ZC3H12B: variants seen among roughly 807,000 people sequenced by gnomAD.
ZC3H12B encodes zinc finger CCCH-type containing 12B, also known as probable ribonuclease ZC3H12B.
ZC3H12B carries 7 observed loss-of-function variants against 43.9 expected under a neutral mutation model. That is an observed-to-expected ratio of 0.16 (90% CI 0.09 to 0.30). ZC3H12B has a LOEUF of 0.30. Ranked by LOEUF, ZC3H12B falls within the 10% of genes least tolerant of loss-of-function variation. The probability of loss-of-function intolerance (pLI) is 1.00; values close to 1 mark genes in which losing one functional copy is unlikely to be tolerated. For missense variants in ZC3H12B, 475 were observed against 670.2 expected (o/e 0.71, Z 3.22); for synonymous variants, 222 against 241.7 (o/e 0.92, Z 0.76).
chrX:65,342,480 ATAAT>A, the ZC3H12B span, among the ~76,000 whole-genome samples: 2 of 112,317 alleles, frequency 1.8e-5, no homozygotes, highest in Non-Finnish European at 3.8e-5. Context: ...ACAGCACAAT[ATAAT>A]TAGAAGTCAA....
chrX:65,457,442 G>T (rs2067643288), intron 3 of ZC3H12B, among the ~76,000 whole-genome samples: 2 of 76,623 alleles, frequency 2.6e-5, no homozygotes, highest in Admixed American at 1.3e-4. Context: ...GGAGGGTGGT[G>T]GGGGGGTCAG....
the ZC3H12B span, among the ~76,000 whole-genome samples, chrX:65,178,129 C>T: frequency 8.9e-6 from 1 of 112,016 alleles, no homozygotes. Context: ...ACCATCTGAT[C>T]TTTGACAAAC....
chrX:65,055,496 T>A, the ZC3H12B span, among the ~76,000 whole-genome samples: 2 of 112,089 alleles, frequency 1.8e-5, no homozygotes, highest in Admixed American at 1.9e-4. Context: ...GCCAGTATTT[T>A]ATTGAAGATT....
At chrX:65,470,582 C>T (rs1421589594) in intron 3 of ZC3H12B, among the ~76,000 whole-genome samples, 2 of 110,886 alleles carry the variant, frequency 1.8e-5, no homozygotes, top group Non-Finnish European at 3.8e-5. Flanking sequence ...CCGCCCTCAC[C>T]CTTGGGGCTT....
chrX:65,453,312 C>T (rs1418021275), intron 3 of ZC3H12B, among the ~76,000 whole-genome samples: 1 of 94,748 alleles, frequency 1.1e-5, no homozygotes, highest in Non-Finnish European at 2.1e-5. Context: ...TTTATAGGCG[C>T]ACAATTCTCA....
the ZC3H12B span, among the ~76,000 whole-genome samples, chrX:65,188,846 G>A: frequency 9.5e-6 from 1 of 105,213 alleles, no homozygotes; most frequent in East Asian, 3.0e-4. Flanking sequence ...TGCACATTGT[G>A]CAGGTTAGAT....
chrX:65,159,998 T>G, the ZC3H12B span, among the ~76,000 whole-genome samples: 6 of 112,218 alleles, frequency 5.3e-5, no homozygotes, highest in African/African-American at 1.3e-4. Context: ...GTCAAAGGCC[T>G]TTTCTGCATC....
At chrX:65,310,709 A>T in the ZC3H12B span, among the ~76,000 whole-genome samples, 749 of 111,880 alleles carry the variant, frequency 6.7e-3, 9 homozygotes, top group African/African-American at 0.023. Flanking sequence ...AGCCAAAAGA[A>T]CAAAGCTGGA....
At chrX:65,328,360 T>A in the ZC3H12B span, 2 of 236,741 alleles carry the variant, frequency 8.4e-6, no homozygotes, top group South Asian at 1.2e-4. Context: ...TTCTTGTAAT[T>A]TGCATGATCC....
chrX:65,234,787 C>A, the ZC3H12B span, among the ~76,000 whole-genome samples: 1 of 111,716 alleles, frequency 9.0e-6, no homozygotes, highest in East Asian at 2.8e-4. Context: ...ACAGATCAAC[C>A]CATCATCTTG....
chrX:65,471,107 G>A (rs747768083), intron 3 of ZC3H12B, among the ~76,000 whole-genome samples: 5 of 111,453 alleles, frequency 4.5e-5, no homozygotes, highest in Non-Finnish European at 9.4e-5. Flanking sequence ...TCAGTGAGCT[G>A]TCTAGTGCTG....
the ZC3H12B span, among the ~76,000 whole-genome samples, chrX:65,282,547 T>G: frequency 2.3e-3 from 253 of 111,213 alleles, 2 homozygotes; most frequent in African/African-American, 7.7e-3. Flanking sequence ...AGCTGGTTTT[T>G]TGAAAACATC....
chrX:65,084,068 G>A, the ZC3H12B span, among the ~76,000 whole-genome samples: 2 of 111,850 alleles, frequency 1.8e-5, no homozygotes, highest in Non-Finnish European at 3.8e-5. Flanking sequence ...GCAGAAGAAT[G>A]AAACTAGACC....
At chrX:65,157,300 T>C in the ZC3H12B span, among the ~76,000 whole-genome samples, 1 of 112,535 alleles carries the variant, frequency 8.9e-6, no homozygotes, top group African/African-American at 3.2e-5. Context: ...CTTGCTTTAA[T>C]GCCATTGGTC....
chrX:65,419,155 G>T (rs957269097), intron 3 of ZC3H12B, among the ~76,000 whole-genome samples: 1 of 111,531 alleles, frequency 9.0e-6, no homozygotes, highest in Non-Finnish European at 1.9e-5. Flanking sequence ...TGTGTAATTG[G>T]AATAGACATA....
At chrX:65,144,586 A>G in the ZC3H12B span, among the ~76,000 whole-genome samples, 4 of 111,091 alleles carry the variant, frequency 3.6e-5, no homozygotes, top group African/African-American at 9.8e-5. Flanking sequence ...GCTCTTTGAG[A>G]CTTTTGGATG....
At chrX:65,120,758 C>T in the ZC3H12B span, among the ~76,000 whole-genome samples, 3 of 111,398 alleles carry the variant, frequency 2.7e-5, no homozygotes, top group African/African-American at 9.8e-5. Flanking sequence ...CAGTTTTTGC[C>T]CTTTCAGTAT....
At chrX:65,507,011 A>G (rs893938908) in exon 5 of ZC3H12B, 7 of 111,141 alleles carry the variant, frequency 6.3e-5, no homozygotes, top group South Asian at 3.9e-4. Context: ...CTTCTCTAAA[A>G]TTCATTTTTT....
the ZC3H12B span, among the ~76,000 whole-genome samples, chrX:65,176,698 G>A: frequency 9.9e-5 from 11 of 111,454 alleles, no homozygotes; most frequent in East Asian, 2.8e-4. Flanking sequence ...ATAAATTCCC[G>A]GACACATGCG....
Sources: allele counts gnomAD v4.1 joint callset (sites outside exome capture counted in the v4.1 genomes callset), GRCh38; gene constraint gnomAD v4.1.1; transcripts MANE v1.5; gene names NCBI Gene and HGNC (gene_info 2026-07-23, HGNC 2026-07-21).